ITPR2: variants seen among roughly 807,000 people sequenced by gnomAD.
ITPR2 encodes inositol 1,4,5-trisphosphate receptor type 2, also known as inositol 1,4,5-trisphosphate-gated calcium channel ITPR2.
Under a neutral mutation model 317.1 loss-of-function variants are expected in ITPR2, and 207 were observed. That is an observed-to-expected ratio of 0.65 (90% CI 0.58 to 0.73). The LOEUF (loss-of-function observed/expected upper bound fraction) is 0.73. ITPR2 is among the 30% of genes least tolerant of loss of function. The pLI is 0.00. For synonymous variants in ITPR2, 1,156 were observed against 1,149.1 expected (o/e 1.01, Z -0.12); for missense variants, 2,613 against 3,284.0 (o/e 0.80, Z 4.99).
intron 21 of ITPR2, among the ~76,000 whole-genome samples, chr12:26,650,866 TAAC>T (rs1947235210): frequency 6.6e-6 from 1 of 152,238 alleles, no homozygotes. Flanking sequence ...GCTCTTTGAT[TAAC>T]AACTACGGTT....
rs1298521064 is a variant in ITPR2 at position 26,392,600 on chromosome 12, T to C, written c.7697-5006A>G. On this transcript the variant is annotated intron_variant, in intron 54 of 56. Coordinates refer to ENST00000381340, the MANE Select transcript of ITPR2 (RefSeq NM_002223.4). ...GTCTGGAGAACAGTAGGCATGCAAC[T>C]AAATTTGACAGAATAATTAAATAAA... Among the ~76,000 whole-genome samples the C allele has an allele frequency of 2.0e-5, 3 of 152,170 alleles. No homozygotes were observed. The South Asian group carries it at 6.2e-4, about 32-fold the overall frequency.
intron 55 of ITPR2, among the ~76,000 whole-genome samples, chr12:26,370,192 C>A (rs144169669): frequency 0.011 from 1,730 of 152,246 alleles, 33 homozygotes; most frequent in African/African-American, 0.039. Flanking sequence ...TGAATTTGTA[C>A]CTATTTGGTC....
chr12:26,396,178 T>A (rs1175549149), intron 54 of ITPR2, among the ~76,000 whole-genome samples: 1 of 151,980 alleles, frequency 6.6e-6, no homozygotes, highest in African/African-American at 2.4e-5. Flanking sequence ...GTGATAGCTG[T>A]CACATAAAGA....
chr12:26,545,889 T>C (rs560081383), intron 37 of ITPR2, among the ~76,000 whole-genome samples: 1 of 152,316 alleles, frequency 6.6e-6, no homozygotes, highest in East Asian at 1.9e-4. Context: ...AAACTGGTTG[T>C]TTGAATCCTT....
chr12:26,573,627 GA>G (rs1945213488), intron 34 of ITPR2, among the ~76,000 whole-genome samples: 1 of 152,194 alleles, frequency 6.6e-6, no homozygotes, highest in Non-Finnish European at 1.5e-5. Context: ...CTTATATTTT[GA>G]ACTGAGATCT....
At chr12:26,581,271 C>G (rs1477347387) in intron 32 of ITPR2, among the ~76,000 whole-genome samples, 1 of 152,102 alleles carries the variant, frequency 6.6e-6, no homozygotes, top group Non-Finnish European at 1.5e-5. Context: ...GTTTTGAGAT[C>G]TGGGAGCACT....
At chr12:26,682,133 A>C (rs1948045355) in intron 12 of ITPR2, 99 bp from the exon 13 acceptor site, 1 of 988,580 alleles carries the variant, frequency 1.0e-6, no homozygotes, top group Admixed American at 2.3e-5. Flanking sequence ...TAAGACAAGA[A>C]TAGATCATCC....
At chr12:26,662,556 C>T (rs1947526066) in intron 15 of ITPR2, among the ~76,000 whole-genome samples, 2 of 152,222 alleles carry the variant, frequency 1.3e-5, no homozygotes, top group South Asian at 2.1e-4. Flanking sequence ...TACAGTGATG[C>T]ACTCTGCCCT....
chr12:26,782,715 A>G (rs1236608718), intron 2 of ITPR2, among the ~76,000 whole-genome samples: 1 of 152,208 alleles, frequency 6.6e-6, no homozygotes, highest in African/African-American at 2.4e-5. Flanking sequence ...TTTCTACTTC[A>G]TGTGATGACC....
At chr12:26,512,933 T>C (rs969570824) in intron 37 of ITPR2, among the ~76,000 whole-genome samples, 1 of 119,792 alleles carries the variant, frequency 8.3e-6, no homozygotes, top group African/African-American at 2.6e-5. Flanking sequence ...AGCAATTCTC[T>C]GCCTCAGCCT....
At chr12:26,383,344 T>A (rs968802967) in intron 55 of ITPR2, among the ~76,000 whole-genome samples, 3 of 152,232 alleles carry the variant, frequency 2.0e-5, no homozygotes, top group Non-Finnish European at 4.4e-5. Flanking sequence ...CAAAACAGAC[T>A]AACACAGTGC....
At chr12:26,498,965 G>A (rs536221065) in intron 37 of ITPR2, among the ~76,000 whole-genome samples, 5 of 152,238 alleles carry the variant, frequency 3.3e-5, no homozygotes, top group African/African-American at 1.2e-4. Flanking sequence ...GCCTCCCAAA[G>A]TTCTGGGATT....
At chr12:26,488,070 G>A (rs1388600886) in intron 39 of ITPR2, among the ~76,000 whole-genome samples, 2 of 152,116 alleles carry the variant, frequency 1.3e-5, no homozygotes, top group Admixed American at 6.5e-5. Flanking sequence ...GAAGTGTCCA[G>A]GAGAAGCAGT....
intron 49 of ITPR2, among the ~76,000 whole-genome samples, chr12:26,427,423 T>C (rs976771776): frequency 1.3e-5 from 2 of 152,204 alleles, no homozygotes; most frequent in African/African-American, 4.8e-5. Context: ...ATCCTATCTA[T>C]GACTTTCATC....
At chr12:26,708,451 A>C (rs1948594349) in intron 9 of ITPR2, among the ~76,000 whole-genome samples, 2 of 152,234 alleles carry the variant, frequency 1.3e-5, no homozygotes, top group African/African-American at 4.8e-5. Context: ...TTGCAACAAT[A>C]TGGATAAAAC....
chr12:26,672,966 C>A (rs1423698440), intron 13 of ITPR2, among the ~76,000 whole-genome samples: 1 of 152,202 alleles, frequency 6.6e-6, no homozygotes, highest in Non-Finnish European at 1.5e-5. Flanking sequence ...TGGATAAATT[C>A]CTTGACACAT....
intron 41 of ITPR2, among the ~76,000 whole-genome samples, chr12:26,484,916 T>C (rs947827399): frequency 1.3e-5 from 2 of 152,154 alleles, no homozygotes; most frequent in African/African-American, 4.8e-5. Context: ...GGGGTTTCAC[T>C]GGGTTGGCCA....
chr12:26,509,958 T>TTTTGTGTGTGTGTGTGTGTG, intron 37 of ITPR2, among the ~76,000 whole-genome samples: 1 of 53,262 alleles, frequency 1.9e-5, no homozygotes, highest in East Asian at 5.9e-4. Context: ...GATAAGGGTT[T>TTTTGTGTGTGTGTGTGTGTG]TGTGTGTGTG....
At chr12:26,602,033 A>C (rs1234090027) in intron 28 of ITPR2, among the ~76,000 whole-genome samples, 1 of 152,248 alleles carries the variant, frequency 6.6e-6, no homozygotes, top group Non-Finnish European at 1.5e-5. Flanking sequence ...AAGAGATTTA[A>C]ATAAACATGA....
Sources: allele counts gnomAD v4.1 joint callset (sites outside exome capture counted in the v4.1 genomes callset), GRCh38; gene constraint gnomAD v4.1.1; transcripts MANE v1.5; gene names NCBI Gene and HGNC (gene_info 2026-07-23, HGNC 2026-07-21).